The following WHRN variants were observed in gnomAD, a reference collection of about 807,000 sequenced individuals.
The protein encoded by WHRN is whirlin.
Under a neutral mutation model 68.3 loss-of-function variants are expected in WHRN, and 41 were observed. The ratio of observed to expected loss-of-function variants is 0.60; its 90% CI spans 0.47 to 0.78. WHRN has a LOEUF of 0.78. Ranked by LOEUF, WHRN falls within the 30% of genes least tolerant of loss-of-function variation. WHRN has a pLI of 0.00. For missense variants in WHRN, 1,243 were observed against 1,244.7 expected (o/e 1.00, Z 0.02); for synonymous variants, 560 against 561.3 (o/e 1.00, Z 0.03).
At chr9:114,484,935 G>A in intron 1 of WHRN, among the ~76,000 whole-genome samples, 1 of 152,210 alleles carries the variant, frequency 6.6e-6, no homozygotes, top group East Asian at 1.9e-4. Context: ...GAGGGTCACA[G>A]TGTAGGGGGC....
In WHRN at chr9:114,424,325, A is replaced by G. The variant is rs766618682; in HGVS notation, c.1416+9T>C. 6 of 1,612,214 alleles carry G rather than the reference A, an allele frequency of 3.7e-6. No individual in the cohort carries two copies. Among genetic ancestry groups the G allele is most frequent in the Non-Finnish European group, 5.1e-6 (6 of 1,179,978 alleles). ...GCTGAAGCCAGTTGGGAGGCAGGGC[A>G]CGGGTCACCTTGGCGTGGGTGTTGA... On this transcript the variant is annotated intron_variant, in intron 6 of 11. Transcript: ENST00000362057.
At chr9:114,459,001 G>T (rs932283048) in intron 3 of WHRN, among the ~76,000 whole-genome samples, 2 of 152,298 alleles carry the variant, frequency 1.3e-5, no homozygotes, top group Admixed American at 6.5e-5. Flanking sequence ...ACTTGCCCAA[G>T]GTCACACAAC....
At chr9:114,425,141 G>C (rs765799599) in intron 4 of WHRN, 117 bp from the exon 5 acceptor site, 1 of 1,045,824 alleles carries the variant, frequency 9.6e-7, no homozygotes, top group East Asian at 2.4e-5. Context: ...CATGCATCGT[G>C]GCCTCCACTC....
chr9:114,410,071 CT>C (rs1835323694), intron 7 of WHRN, among the ~76,000 whole-genome samples: 2 of 152,170 alleles, frequency 1.3e-5, no homozygotes, highest in Admixed American at 6.5e-5. Context: ...CGCTCTCACT[CT>C]GCACCACACT....
chr9:114,414,959 T>A (rs757361760), intron 7 of WHRN, among the ~76,000 whole-genome samples: 2 of 152,162 alleles, frequency 1.3e-5, no homozygotes, highest in Non-Finnish European at 2.9e-5. Context: ...CGCATCCACC[T>A]TGCACCTCTG....
chr9:114,410,139 G>A (rs1469541748), intron 7 of WHRN, among the ~76,000 whole-genome samples: 1 of 152,104 alleles, frequency 6.6e-6, no homozygotes, highest in Non-Finnish European at 1.5e-5. Flanking sequence ...TCCCAGAGAA[G>A]CCCTGTCTAA....
intron 3 of WHRN, among the ~76,000 whole-genome samples, chr9:114,450,524 C>A (rs965102180): frequency 6.6e-6 from 1 of 152,112 alleles, no homozygotes; most frequent in Non-Finnish European, 1.5e-5. Flanking sequence ...ACCTTCTGAG[C>A]CTCAAGCAAG....
At chr9:114,446,081 A>G (rs974222070) in intron 3 of WHRN, among the ~76,000 whole-genome samples, 33 of 152,324 alleles carry the variant, frequency 2.2e-4, no homozygotes, top group African/African-American at 7.9e-4. Flanking sequence ...GAATGACAGA[A>G]ACTACATCAA....
chr9:114,402,628 G>T lies in WHRN; in HGVS notation c.*126C>A, dbSNP rs1834758281. On this transcript the variant is annotated 3_prime_UTR_variant, in exon 12 of 12. Transcript: ENST00000362057. ...TCTGGTCCAGTGGGCTGGGATGGAG[G>T]GGGGATGTCTTCCTGCCACCCTGGC... 5.0e-6 allele frequency: 6 copies of T among 1,191,748 alleles called. No homozygotes were observed. The highest frequency in any genetic ancestry group is 2.1e-4 in the Middle Eastern group (1 of 4,772). The allele number at this position is 1,191,748 out of a possible 1,614,324, so 73.8% of individuals were successfully genotyped here.
intron 3 of WHRN, among the ~76,000 whole-genome samples, chr9:114,427,128 G>A (rs1589115301): frequency 6.6e-6 from 1 of 152,146 alleles, no homozygotes; most frequent in Admixed American, 6.5e-5. Context: ...ACAGTCGTGT[G>A]TGCCTATAGT....
intron 3 of WHRN, among the ~76,000 whole-genome samples, chr9:114,437,020 C>T (rs1837918970): frequency 6.6e-6 from 1 of 152,162 alleles, no homozygotes; most frequent in Non-Finnish European, 1.5e-5. Flanking sequence ...AGCTACCAGA[C>T]ACTAAAGCCT....
chr9:114,406,977 G>T, intron 8 of WHRN, 85 bp from the exon 9 acceptor site: 1 of 1,484,212 alleles, frequency 6.7e-7, no homozygotes, highest in Non-Finnish European at 9.1e-7. Context: ...GTGGTGCCAG[G>T]CCCAGCTGGA....
At chr9:114,486,908 A>G (rs56220470) in intron 1 of WHRN, among the ~76,000 whole-genome samples, 1 of 34,092 alleles carries the variant, frequency 2.9e-5, no homozygotes, top group African/African-American at 5.5e-5. Flanking sequence ...GTGTGTGTAG[A>G]GTGTGTGTGT....
intron 3 of WHRN, among the ~76,000 whole-genome samples, chr9:114,445,983 T>C (rs537222625): frequency 2.0e-5 from 3 of 152,156 alleles, no homozygotes; most frequent in Non-Finnish European, 4.4e-5. Flanking sequence ...TACCCATAAG[T>C]TTTTATTTAC....
chr9:114,423,242 G>A (rs1836475380), intron 7 of WHRN, 72 bp downstream of exon 7: 25 of 1,501,852 alleles, frequency 1.7e-5, no homozygotes, highest in South Asian at 4.5e-5. Context: ...AACTCAGGCT[G>A]GTCTCACTCC....
intron 3 of WHRN, 123 bp from the exon 4 acceptor site, chr9:114,426,536 A>G: frequency 8.7e-7 from 1 of 1,146,778 alleles, no homozygotes; most frequent in Non-Finnish European, 1.3e-6. Context: ...CCAGGATCAG[A>G]GAGGATGTGA....
intron 1 of WHRN, among the ~76,000 whole-genome samples, chr9:114,487,507 G>A (rs946805044): frequency 1.3e-5 from 2 of 152,072 alleles, no homozygotes; most frequent in African/African-American, 4.8e-5. Context: ...CCCATTCCCT[G>A]GAAGGGACTC....
chr9:114,501,939 T>C (rs897831341), intron 1 of WHRN, among the ~76,000 whole-genome samples: 8 of 152,224 alleles, frequency 5.3e-5, no homozygotes, highest in African/African-American at 1.9e-4. Context: ...GCTCTTAATT[T>C]TGTGGAAATG....
intron 3 of WHRN, among the ~76,000 whole-genome samples, chr9:114,429,690 C>T (rs534293781): frequency 3.3e-5 from 5 of 152,326 alleles, no homozygotes; most frequent in African/African-American, 1.2e-4. Context: ...ACTCAGCAAG[C>T]ACTCAATCAG....
Sources: gnomAD v4.1 joint callset for allele counts (sites outside exome capture counted in the v4.1 genomes callset) on GRCh38, gnomAD v4.1.1 for gene constraint, MANE v1.5 for transcripts, NCBI Gene and HGNC (gene_info 2026-07-23, HGNC 2026-07-21) for gene names.